Variants in KHDRBS3 observed in about 807,000 individuals in gnomAD.
KHDRBS3 encodes KH RNA binding domain containing, signal transduction associated 3.
A neutral mutation model predicts 45.6 loss-of-function variants in KHDRBS3; 23 were observed. That is an observed-to-expected ratio of 0.50 (90% CI 0.36 to 0.72). KHDRBS3 has a LOEUF of 0.72. Among genes scored for constraint, KHDRBS3 ranks in the 30% least tolerant of loss-of-function variants. KHDRBS3 has a pLI of 0.00. For synonymous variants in KHDRBS3, 162 were observed against 156.5 expected (o/e 1.04, Z -0.26); for missense variants, 352 against 424.8 (o/e 0.83, Z 1.51).
chr8:135,615,155 G>T (rs552067526), intron 7 of KHDRBS3, among the ~76,000 whole-genome samples: 1 of 151,786 alleles, frequency 6.6e-6, no homozygotes, highest in East Asian at 1.9e-4. Flanking sequence ...GCTCAGCAAG[G>T]TTCTTTTTTA....
chr8:135,496,034 C>T (rs956601581), intron 1 of KHDRBS3, among the ~76,000 whole-genome samples: 2 of 150,996 alleles, frequency 1.3e-5, no homozygotes, highest in Non-Finnish European at 2.9e-5. Context: ...TAAAAGTAGA[C>T]TCTGCAGATG....
intron 1 of KHDRBS3, among the ~76,000 whole-genome samples, chr8:135,467,259 C>T (rs1821744821): frequency 6.6e-6 from 1 of 152,238 alleles, no homozygotes; most frequent in Admixed American, 6.5e-5. Flanking sequence ...TTCTGTTCCT[C>T]ATATATTATC....
chr8:135,559,863 C>G (rs1484384044), intron 5 of KHDRBS3, among the ~76,000 whole-genome samples: 2 of 152,116 alleles, frequency 1.3e-5, no homozygotes, highest in Non-Finnish European at 2.9e-5. Flanking sequence ...AATAGAGACT[C>G]AAACATCTGT....
chr8:135,623,342 T>G (rs560168364), intron 7 of KHDRBS3, among the ~76,000 whole-genome samples: 1 of 152,344 alleles, frequency 6.6e-6, no homozygotes, highest in South Asian at 2.1e-4. Context: ...TCAAAAGACA[T>G]GTCTGAATTT....
At chr8:135,577,813 T>C (rs1326837062) in intron 5 of KHDRBS3, among the ~76,000 whole-genome samples, 1 of 152,342 alleles carries the variant, frequency 6.6e-6, no homozygotes, top group African/African-American at 2.4e-5. Flanking sequence ...TGCAAGAAAT[T>C]GCCAAACTGT....
At chr8:135,559,580 C>G (rs1827070047) in intron 5 of KHDRBS3, among the ~76,000 whole-genome samples, 1 of 152,156 alleles carries the variant, frequency 6.6e-6, no homozygotes, top group Non-Finnish European at 1.5e-5. Context: ...CCAGGCTGCT[C>G]TCTAACTCCT....
intron 8 of KHDRBS3, among the ~76,000 whole-genome samples, chr8:135,645,717 T>C (rs576466100): frequency 6.6e-6 from 1 of 152,312 alleles, no homozygotes; most frequent in Middle Eastern, 3.4e-3. Context: ...TGCAGAACGA[T>C]GACAGGTTTA....
intron 6 of KHDRBS3, among the ~76,000 whole-genome samples, chr8:135,584,282 C>T (rs1464120595): frequency 6.6e-6 from 1 of 152,184 alleles, no homozygotes; most frequent in African/African-American, 2.4e-5. Flanking sequence ...TGTAATTTGG[C>T]TGGAATGCAG....
chr8:135,619,436 A>G (rs931584640), intron 7 of KHDRBS3, among the ~76,000 whole-genome samples: 2 of 152,120 alleles, frequency 1.3e-5, no homozygotes, highest in African/African-American at 4.8e-5. Context: ...AACTATCCAT[A>G]TTGTCTTAGC....
intron 5 of KHDRBS3, among the ~76,000 whole-genome samples, chr8:135,561,796 G>A (rs985220176): frequency 7.2e-5 from 11 of 152,104 alleles, no homozygotes; most frequent in Non-Finnish European, 1.3e-4. Flanking sequence ...TTGACCCTAT[G>A]TAGTCCTAGG....
chr8:135,572,095 A>G (rs928598702), intron 5 of KHDRBS3, among the ~76,000 whole-genome samples: 7 of 152,206 alleles, frequency 4.6e-5, no homozygotes, highest in African/African-American at 1.7e-4. Flanking sequence ...CATTGTTTCC[A>G]GAGAGGAAGG....
intron 1 of KHDRBS3, among the ~76,000 whole-genome samples, chr8:135,496,039 C>G (rs207469919): frequency 6.6e-6 from 1 of 150,724 alleles, no homozygotes; most frequent in East Asian, 1.9e-4. Context: ...GTAGACTCTG[C>G]AGATGAGCCA....
intron 7 of KHDRBS3, among the ~76,000 whole-genome samples, chr8:135,621,050 TG>T (rs1830117278): frequency 1.3e-5 from 2 of 151,632 alleles, no homozygotes; most frequent in South Asian, 4.2e-4. Context: ...TAAGAAATCT[TG>T]TACCATTGTA....
chr8:135,632,701 A>G (rs187496823), intron 7 of KHDRBS3, among the ~76,000 whole-genome samples: 1 of 152,028 alleles, frequency 6.6e-6, no homozygotes, highest in East Asian at 1.9e-4. Context: ...CATTTCACTC[A>G]ACCGGGATTT....
At chr8:135,576,315 G>A (rs774986459) in intron 5 of KHDRBS3, among the ~76,000 whole-genome samples, 3 of 152,114 alleles carry the variant, frequency 2.0e-5, no homozygotes, top group African/African-American at 7.2e-5. Flanking sequence ...TTAAGAAGTG[G>A]GGAATTACAG....
chr8:135,612,395 C>T (rs1829740004), intron 7 of KHDRBS3, among the ~76,000 whole-genome samples: 1 of 151,868 alleles, frequency 6.6e-6, no homozygotes, highest in Non-Finnish European at 1.5e-5. Context: ...ATACATATTA[C>T]AGTCGTAGGC....
intron 5 of KHDRBS3, among the ~76,000 whole-genome samples, chr8:135,561,793 T>C (rs570465382): frequency 2.0e-5 from 3 of 152,268 alleles, no homozygotes; most frequent in Admixed American, 1.3e-4. Context: ...ATCTTGACCC[T>C]ATGTAGTCCT....
intron 1 of KHDRBS3, among the ~76,000 whole-genome samples, chr8:135,494,273 A>ATTTTTTTTTTT (rs386414089): frequency 5.1e-5 from 4 of 78,624 alleles, no homozygotes; most frequent in East Asian, 3.9e-4. Context: ...TGTTTCTCTT[A>ATTTTTTTTTTT]TTTTTTTTTT....
intron 4 of KHDRBS3, among the ~76,000 whole-genome samples, chr8:135,556,355 T>C (rs1483740961): frequency 2.6e-5 from 4 of 152,236 alleles, no homozygotes; most frequent in Non-Finnish European, 5.9e-5. Flanking sequence ...CCACCAACAA[T>C]GTAAAAGCAT....
Sources: gnomAD v4.1 joint callset for allele counts (sites outside exome capture counted in the v4.1 genomes callset) on GRCh38, gnomAD v4.1.1 for gene constraint, MANE v1.5 for transcripts, NCBI Gene and HGNC (gene_info 2026-07-23, HGNC 2026-07-21) for gene names.